PDE1C: variants seen among roughly 807,000 people sequenced by gnomAD.
PDE1C encodes phosphodiesterase 1C.
Under a neutral mutation model 93.1 loss-of-function variants are expected in PDE1C, and 62 were observed. That is an observed-to-expected ratio of 0.67 (90% CI 0.54 to 0.82). PDE1C has a LOEUF of 0.82. Ranked by LOEUF, PDE1C falls within the 40% of genes least tolerant of loss-of-function variation. The pLI is 0.00. For synonymous variants in PDE1C, 325 were observed against 310.1 expected (o/e 1.05, Z -0.50); for missense variants, 742 against 884.6 (o/e 0.84, Z 2.04).
chr7:31,797,421 C>T (rs566086304), intron 16 of PDE1C, among the ~76,000 whole-genome samples: 57 of 151,848 alleles, frequency 3.8e-4, no homozygotes, highest in Non-Finnish European at 6.5e-4. Context: ...ATGGGATTAA[C>T]TATATGTATA....
At chr7:32,130,505 T>C (rs62458884) in intron 3 of PDE1C, among the ~76,000 whole-genome samples, 30,877 of 152,030 alleles carry the variant, frequency 0.2, 3,778 homozygotes, top group Middle Eastern at 0.31. Flanking sequence ...CAGGTACTAC[T>C]GTCCTAGTAT....
chr7:31,854,006 C>T (rs1177703980), intron 7 of PDE1C, among the ~76,000 whole-genome samples: 10 of 151,548 alleles, frequency 6.6e-5, no homozygotes, highest in Non-Finnish European at 1.3e-4. Flanking sequence ...GGATTATAGG[C>T]GTGAGCAACT....
At chr7:32,170,748 C>T (rs1802593484) in intron 2 of PDE1C, among the ~76,000 whole-genome samples, 1 of 152,136 alleles carries the variant, frequency 6.6e-6, no homozygotes, top group African/African-American at 2.4e-5. Context: ...GGCCTCCTGC[C>T]TCCCTTGTCG....
chr7:32,367,356 G>T (rs2128086734), intron 1 of PDE1C, among the ~76,000 whole-genome samples: 1 of 152,168 alleles, frequency 6.6e-6, no homozygotes, highest in East Asian at 1.9e-4. Context: ...AGAAACAAAG[G>T]ACATATAAAA....
intron 7 of PDE1C, among the ~76,000 whole-genome samples, chr7:31,851,615 T>C (rs1793356005): frequency 6.6e-6 from 1 of 152,226 alleles, no homozygotes; most frequent in South Asian, 2.1e-4. Flanking sequence ...TCTCATATCC[T>C]TTGCTCACTT....
chr7:32,340,922 T>C (rs565847324), intron 1 of PDE1C, among the ~76,000 whole-genome samples: 3 of 152,224 alleles, frequency 2.0e-5, no homozygotes, highest in Non-Finnish European at 2.9e-5. Flanking sequence ...CCTCTAATGA[T>C]AGATACATGT....
At chr7:31,645,122 G>T in the PDE1C span, among the ~76,000 whole-genome samples, 1 of 152,164 alleles carries the variant, frequency 6.6e-6, no homozygotes, top group Non-Finnish European at 1.5e-5. Context: ...TAAGTGGGAA[G>T]TCCAAATTCA....
intron 1 of PDE1C, among the ~76,000 whole-genome samples, chr7:32,329,301 A>G (rs543252750): frequency 6.6e-6 from 1 of 152,332 alleles, no homozygotes; most frequent in Non-Finnish European, 1.5e-5. Flanking sequence ...GAAAATTGAT[A>G]AAGCAAAATG....
Position 32,315,950 on chromosome 7 carries a change from G to T in PDE1C, c.311-106411C>A, listed in dbSNP as rs181418505. Among the ~76,000 whole-genome samples, 98 of 152,310 alleles carry T rather than the reference G, an allele frequency of 6.4e-4. 1 individual carries two copies. In the East Asian group the frequency reaches 6.6e-3, roughly 10 times the overall value. On this transcript the variant is annotated intron_variant, in intron 1 of 1. Coordinates refer to the PDE1C transcript ENST00000672256. ...GCCAAAGTTGTGGTGAGCCAAGATC[G>T]TGCCATTGCACTCCAGCCTGGGCAA...
intron 7 of PDE1C, among the ~76,000 whole-genome samples, chr7:31,862,257 C>T (rs1051724752): frequency 6.6e-6 from 1 of 152,160 alleles, no homozygotes; most frequent in African/African-American, 2.4e-5. Context: ...GATTGCTTCC[C>T]ATTGGTCTCT....
intron 3 of PDE1C, among the ~76,000 whole-genome samples, chr7:32,146,623 C>T (rs549079105): frequency 7.2e-5 from 11 of 152,074 alleles, no homozygotes; most frequent in Non-Finnish European, 7.3e-5. Flanking sequence ...TCTGCAAAGA[C>T]CCTTTTTGCC....
intron 2 of PDE1C, among the ~76,000 whole-genome samples, chr7:32,015,777 C>A (rs544340924): frequency 6.6e-6 from 1 of 152,070 alleles, no homozygotes; most frequent in East Asian, 1.9e-4. Flanking sequence ...ATACAAGGAG[C>A]TTTTTCATGG....
chr7:32,158,088 T>C (rs1801690186), intron 3 of PDE1C, among the ~76,000 whole-genome samples: 1 of 152,190 alleles, frequency 6.6e-6, no homozygotes. Context: ...ACAGGTCCCC[T>C]TCACACACAG....
At chr7:31,975,993 T>C (rs1302851808) in intron 2 of PDE1C, among the ~76,000 whole-genome samples, 1 of 152,216 alleles carries the variant, frequency 6.6e-6, no homozygotes, top group East Asian at 1.9e-4. Flanking sequence ...CAAATCACAA[T>C]ACTGATGTTC....
the PDE1C span, chr7:31,642,344 T>A: frequency 1.1e-6 from 1 of 906,728 alleles, no homozygotes; most frequent in Non-Finnish European, 1.7e-6. Context: ...CAAACCTCAC[T>A]CACAGCTAAC....
chr7:32,015,997 A>G (rs1322198866), intron 2 of PDE1C, among the ~76,000 whole-genome samples: 2 of 152,142 alleles, frequency 1.3e-5, no homozygotes, highest in East Asian at 3.8e-4. Flanking sequence ...TAAGACACCC[A>G]TCAGTATGCC....
intron 7 of PDE1C, among the ~76,000 whole-genome samples, chr7:31,853,063 G>T (rs1269255790): frequency 6.6e-6 from 1 of 151,930 alleles, no homozygotes; most frequent in African/African-American, 2.4e-5. Context: ...AGCCCAGGCA[G>T]CAGAAAGCAT....
At chr7:31,644,855 C>T in the PDE1C span, among the ~76,000 whole-genome samples, 6 of 152,118 alleles carry the variant, frequency 3.9e-5, no homozygotes, top group African/African-American at 1.4e-4. Context: ...CTATTCAGAG[C>T]GGGGTGAAGT....
intron 1 of PDE1C, among the ~76,000 whole-genome samples, chr7:32,212,816 C>T (rs1308549651): frequency 6.6e-6 from 1 of 152,160 alleles, no homozygotes; most frequent in Non-Finnish European, 1.5e-5. Flanking sequence ...ATGCGTAACT[C>T]CCCTTCCCAC....
Sources: gnomAD v4.1 joint callset for allele counts (sites outside exome capture counted in the v4.1 genomes callset) on GRCh38, gnomAD v4.1.1 for gene constraint, MANE v1.5 for transcripts, NCBI Gene and HGNC (gene_info 2026-07-23, HGNC 2026-07-21) for gene names.